DNM3: variants seen among roughly 807,000 people sequenced by gnomAD.
DNM3 encodes the protein dynamin 3.
A neutral mutation model predicts 101.6 loss-of-function variants in DNM3; 47 were observed. The ratio of observed to expected loss-of-function variants is 0.46; its 90% CI spans 0.37 to 0.59. The LOEUF (loss-of-function observed/expected upper bound fraction) is 0.59. Ranked by LOEUF, DNM3 falls within the 20% of genes least tolerant of loss-of-function variation. The probability of loss-of-function intolerance (pLI) is 0.00; values close to 1 mark genes in which losing one functional copy is unlikely to be tolerated. For synonymous variants in DNM3, 385 were observed against 387.9 expected, an observed-to-expected ratio of 0.99 and a Z score of 0.09; for missense variants, 849 against 1,085.7, an observed-to-expected ratio of 0.78 and a Z score of 3.06.
At chr1:172,225,398 G>T (rs945936257) in intron 14 of DNM3, among the ~76,000 whole-genome samples, 3 of 151,792 alleles carry the variant, frequency 2.0e-5, no homozygotes, top group African/African-American at 4.8e-5. Context: ...GCCTCCCAAA[G>T]TGCTGGGATT....
rs116524240 is a variant in DNM3, at chr1:172,073,138, T to A, written c.1422+4233T>A. 6.2e-3 allele frequency among the ~76,000 whole-genome samples: 935 copies of A among 151,426 alleles called. 17 individuals carry two copies. The highest frequency in any genetic ancestry group is 0.021 in the African/African-American group (884 of 41,234). ...GTAAATGCCACAAATAAGTATAGGG[T>A]GCTATATAGATATACACACACATAC... On this transcript the variant is annotated intron_variant, in intron 11 of 20. Coordinates refer to ENST00000627582, the MANE Select transcript of DNM3 (RefSeq NM_015569.5).
chr1:172,155,423 G>T (rs924354132), intron 14 of DNM3, among the ~76,000 whole-genome samples: 4 of 152,050 alleles, frequency 2.6e-5, no homozygotes, highest in African/African-American at 4.8e-5. Context: ...GTGGAGAAAA[G>T]AAGCTAATTA....
chr1:172,106,851 T>TTTTTTC (rs2055070737), intron 13 of DNM3, among the ~76,000 whole-genome samples: 1 of 82,132 alleles, frequency 1.2e-5, no homozygotes, highest in Non-Finnish European at 2.3e-5. Context: ...ATTATTCTTT[T>TTTTTTC]TTTTTTTTTT....
intron 1 of DNM3, among the ~76,000 whole-genome samples, chr1:171,902,828 A>T (rs1307708756): frequency 6.6e-6 from 1 of 152,172 alleles, no homozygotes; most frequent in Non-Finnish European, 1.5e-5. Context: ...CTTCTGTGCT[A>T]TGAGTGAAAA....
chr1:172,326,777 C>T (rs781501752), intron 17 of DNM3, among the ~76,000 whole-genome samples: 4 of 151,900 alleles, frequency 2.6e-5, no homozygotes, highest in Non-Finnish European at 2.9e-5. Context: ...AAGTTTTTAA[C>T]GATGTTGGTA....
chr1:171,909,852 T>C (rs2039148087), intron 1 of DNM3, among the ~76,000 whole-genome samples: 1 of 152,234 alleles, frequency 6.6e-6, no homozygotes, highest in African/African-American at 2.4e-5. Context: ...CCTCTCCTCA[T>C]GGGAACGGAG....
chr1:171,975,587 T>G (rs556883198), intron 2 of DNM3, among the ~76,000 whole-genome samples: 16 of 152,354 alleles, frequency 1.1e-4, no homozygotes, highest in Non-Finnish European at 1.6e-4. Flanking sequence ...CATGGGAACA[T>G]ACTTGTGCTT....
intron 14 of DNM3, among the ~76,000 whole-genome samples, chr1:172,150,706 C>A (rs2058094207): frequency 6.6e-6 from 1 of 152,158 alleles, no homozygotes; most frequent in Non-Finnish European, 1.5e-5. Context: ...GGCTTCACAG[C>A]TTGTTATGAT....
chr1:171,911,380 A>G (rs1486844761), intron 1 of DNM3, among the ~76,000 whole-genome samples: 2 of 146,934 alleles, frequency 1.4e-5, no homozygotes, highest in Non-Finnish European at 3.0e-5. Context: ...TCCCGGGTTC[A>G]AGTGATTCTC....
chr1:172,084,582 G>A (rs1199668999), intron 12 of DNM3, among the ~76,000 whole-genome samples: 1 of 152,054 alleles, frequency 6.6e-6, no homozygotes, highest in Non-Finnish European at 1.5e-5. Flanking sequence ...ATCACTTTGA[G>A]GGGTTGTGGT....
intron 2 of DNM3, among the ~76,000 whole-genome samples, chr1:171,965,440 C>A (rs1415045232): frequency 3.3e-5 from 5 of 150,888 alleles, no homozygotes; most frequent in African/African-American, 1.2e-4. Context: ...GTAGTCCCAG[C>A]TACTTGAAAG....
At chr1:172,183,778 T>C (rs1280082818) in intron 14 of DNM3, among the ~76,000 whole-genome samples, 1 of 140,322 alleles carries the variant, frequency 7.1e-6, no homozygotes, top group Non-Finnish European at 1.6e-5. Flanking sequence ...TTTTTTTTTT[T>C]TTTTTTTTTT....
chr1:172,189,084 T>G (rs554882829), intron 14 of DNM3, among the ~76,000 whole-genome samples: 4 of 152,204 alleles, frequency 2.6e-5, no homozygotes, highest in Non-Finnish European at 2.9e-5. Flanking sequence ...CGAGTAGACT[T>G]ATAGTTCTTT....
At chr1:172,337,556 TAA>T (rs1354805082) in intron 17 of DNM3, among the ~76,000 whole-genome samples, 1 of 152,226 alleles carries the variant, frequency 6.6e-6, no homozygotes, top group East Asian at 1.9e-4. Flanking sequence ...AAGAAACATG[TAA>T]AAGTTTTTAA....
chr1:172,017,779 C>T (rs1352114002), intron 4 of DNM3, among the ~76,000 whole-genome samples: 1 of 152,078 alleles, frequency 6.6e-6, no homozygotes, highest in Non-Finnish European at 1.5e-5. Flanking sequence ...CTGGATCTAT[C>T]CATTTCTGAT....
chr1:172,117,527 C>T (rs1041958294), intron 13 of DNM3, among the ~76,000 whole-genome samples: 15 of 151,978 alleles, frequency 9.9e-5, no homozygotes, highest in African/African-American at 2.2e-4. Context: ...ATTTTTTTCT[C>T]GCAGCCACCG....
intron 4 of DNM3, among the ~76,000 whole-genome samples, chr1:172,010,712 G>GTA (rs920580295): frequency 4.8e-5 from 7 of 145,740 alleles, no homozygotes; most frequent in African/African-American, 1.8e-4. Context: ...GTGTGTGTGT[G>GTA]TGTGTGTGTG....
intron 14 of DNM3, among the ~76,000 whole-genome samples, chr1:172,185,525 A>G (rs1013281007): frequency 6.6e-6 from 1 of 152,122 alleles, no homozygotes; most frequent in Non-Finnish European, 1.5e-5. Context: ...TTGGCAGAGG[A>G]AAGGCTGAAA....
intron 14 of DNM3, among the ~76,000 whole-genome samples, chr1:172,220,624 A>C (rs55656112): frequency 0.17 from 25,987 of 152,108 alleles, 2,532 homozygotes; most frequent in East Asian, 0.28. Flanking sequence ...AACAGCAGTG[A>C]TTCTCAGGGA....
Sources: gnomAD v4.1 joint callset for allele counts (sites outside exome capture counted in the v4.1 genomes callset) on GRCh38, gnomAD v4.1.1 for gene constraint, MANE v1.5 for transcripts, NCBI Gene and HGNC (gene_info 2026-07-23, HGNC 2026-07-21) for gene names.